Variants in ENTREP2 observed in about 807,000 individuals in gnomAD.
The protein encoded by ENTREP2 is endosomal transmembrane epsin interactor 2.
chr15:29,628,395 ACT>A, the ENTREP2 span, among the ~76,000 whole-genome samples: 2 of 151,846 alleles, frequency 1.3e-5, no homozygotes, highest in Admixed American at 1.3e-4. Context: ...ATGTGATCTT[ACT>A]CTCTTTACAT....
the ENTREP2 span, among the ~76,000 whole-genome samples, chr15:29,333,149 T>A: frequency 6.6e-6 from 1 of 151,782 alleles, no homozygotes; most frequent in African/African-American, 2.4e-5. Context: ...GGAGGTCACA[T>A]AGAGTGAAGT....
chr15:29,292,456 C>T, the ENTREP2 span, among the ~76,000 whole-genome samples: 10 of 151,990 alleles, frequency 6.6e-5, no homozygotes, highest in South Asian at 2.1e-4. Flanking sequence ...TCTTAGCTCA[C>T]TGCAACCTCT....
At chr15:29,600,902 C>CCTTTTTTTTTTTTTTTTTT in the ENTREP2 span, among the ~76,000 whole-genome samples, 5 of 123,612 alleles carry the variant, frequency 4.0e-5, 1 homozygote, top group African/African-American at 1.8e-4. Flanking sequence ...ATTTTTCTTT[C>CCTTTTTTTTTTTTTTTTTT]TTTTTTTTTT....
At chr15:29,613,376 A>T in the ENTREP2 span, 1 of 378,374 alleles carries the variant, frequency 2.6e-6, no homozygotes, top group South Asian at 2.3e-5. Flanking sequence ...TCATTCCTGG[A>T]TATGTGCAGA....
the ENTREP2 span, chr15:29,123,399 G>A: frequency 6.5e-7 from 1 of 1,548,378 alleles, no homozygotes; most frequent in Non-Finnish European, 8.7e-7. Flanking sequence ...GCTCCTCGTT[G>A]GTGACAGCCA....
chr15:29,472,427 CA>C, the ENTREP2 span, among the ~76,000 whole-genome samples: 1 of 77,648 alleles, frequency 1.3e-5, no homozygotes, highest in Admixed American at 1.6e-4. Context: ...ACACAACACA[CA>C]ACACACACAC....
the ENTREP2 span, among the ~76,000 whole-genome samples, chr15:29,426,064 ATAAT>A: frequency 2.0e-5 from 3 of 151,202 alleles, no homozygotes; most frequent in South Asian, 2.1e-4. Flanking sequence ...TAATAATTAA[ATAAT>A]TGATTTATTT....
the ENTREP2 span, among the ~76,000 whole-genome samples, chr15:29,393,781 T>G: frequency 1.3e-5 from 2 of 152,180 alleles, no homozygotes; most frequent in Admixed American, 1.3e-4. Flanking sequence ...TATCAAAATA[T>G]GAAACTTTAT....
At chr15:29,527,048 C>A in the ENTREP2 span, among the ~76,000 whole-genome samples, 1 of 152,158 alleles carries the variant, frequency 6.6e-6, no homozygotes, top group Non-Finnish European at 1.5e-5. Context: ...CTGCTTTCAA[C>A]ATCCTTGAAA....
the ENTREP2 span, among the ~76,000 whole-genome samples, chr15:29,413,260 G>A: frequency 6.6e-6 from 1 of 152,076 alleles, no homozygotes; most frequent in Non-Finnish European, 1.5e-5. Flanking sequence ...TTCAGTATAT[G>A]TAAATTATAC....
At chr15:29,391,864 G>GC in the ENTREP2 span, among the ~76,000 whole-genome samples, 4 of 152,164 alleles carry the variant, frequency 2.6e-5, no homozygotes, top group South Asian at 8.3e-4. Context: ...TGGCTCTATC[G>GC]CCCAGGCTGG....
chr15:29,256,562 C>A, the ENTREP2 span, among the ~76,000 whole-genome samples: 106 of 152,232 alleles, frequency 7.0e-4, 2 homozygotes, highest in East Asian at 0.013. Flanking sequence ...ATTTATATTT[C>A]TTTTTATTCT....
chr15:29,319,388 C>T, the ENTREP2 span, among the ~76,000 whole-genome samples: 2 of 152,202 alleles, frequency 1.3e-5, no homozygotes, highest in Admixed American at 1.3e-4. Context: ...GCTGAGTGAA[C>T]AGAGGTCCTG....
chr15:29,454,350 G>C, the ENTREP2 span, among the ~76,000 whole-genome samples: 1 of 152,104 alleles, frequency 6.6e-6, no homozygotes, highest in African/African-American at 2.4e-5. Flanking sequence ...GGTGGACAGC[G>C]TATGTCCTGA....
At chr15:29,365,787 A>G in the ENTREP2 span, among the ~76,000 whole-genome samples, 1 of 151,928 alleles carries the variant, frequency 6.6e-6, no homozygotes, top group South Asian at 2.1e-4. Flanking sequence ...ACATTTCTGC[A>G]ACCTAAACAC....
chr15:29,344,766 C>T, the ENTREP2 span, among the ~76,000 whole-genome samples: 2 of 152,066 alleles, frequency 1.3e-5, no homozygotes, highest in African/African-American at 2.4e-5. Context: ...CACAGTGCAG[C>T]GTCCACAGAG....
chr15:29,269,121 T>C, the ENTREP2 span: 2 of 1,614,108 alleles, frequency 1.2e-6, no homozygotes, highest in Non-Finnish European at 1.7e-6. Flanking sequence ...AGGCTTCAGT[T>C]TCCTTGATGG....
At chr15:29,667,013 TA>T in the ENTREP2 span, among the ~76,000 whole-genome samples, 1 of 152,140 alleles carries the variant, frequency 6.6e-6, no homozygotes, top group African/African-American at 2.4e-5. Context: ...GCACTCCCAC[TA>T]TGCCTGTGAA....
At chr15:29,380,957 T>G in the ENTREP2 span, among the ~76,000 whole-genome samples, 2 of 150,896 alleles carry the variant, frequency 1.3e-5, no homozygotes, top group African/African-American at 4.9e-5. Flanking sequence ...GTTCAAGCAA[T>G]TCTCCTGCCT....
Sources: allele counts gnomAD v4.1 joint callset (sites outside exome capture counted in the v4.1 genomes callset), GRCh38; gene constraint gnomAD v4.1.1; transcripts MANE v1.5; gene names NCBI Gene and HGNC (gene_info 2026-07-23, HGNC 2026-07-21).